KDM7A: variants seen among roughly 807,000 people sequenced by gnomAD.
KDM7A encodes lysine-specific demethylase 7A.
In KDM7A, 28 loss-of-function variants were observed where a neutral mutation model predicts 114.8. The observed-to-expected ratio is 0.24, with a 90% CI of 0.18 to 0.33. KDM7A has a LOEUF of 0.33. Among genes scored for constraint, KDM7A ranks in the 10% least tolerant of loss-of-function variants. KDM7A has a pLI of 1.00. For missense variants in KDM7A, 942 were observed against 1,142.5 expected (o/e 0.82, Z 2.53); for synonymous variants, 423 against 397.8 (o/e 1.06, Z -0.75).
chr7:140,148,691 A>G (rs991856857), intron 1 of KDM7A, among the ~76,000 whole-genome samples: 3 of 152,180 alleles, frequency 2.0e-5, no homozygotes, highest in South Asian at 2.1e-4. Flanking sequence ...TTATTACCAG[A>G]TATCAGCTAA....
At chr7:140,151,511 AG>A (rs1302898058) in intron 1 of KDM7A, among the ~76,000 whole-genome samples, 1 of 152,170 alleles carries the variant, frequency 6.6e-6, no homozygotes, top group Admixed American at 6.5e-5. Flanking sequence ...AATGAATGTG[AG>A]GGGGAAAGTA....
At chr7:140,157,026 G>A (rs1287487494) in intron 1 of KDM7A, among the ~76,000 whole-genome samples, 1 of 152,120 alleles carries the variant, frequency 6.6e-6, no homozygotes, top group Non-Finnish European at 1.5e-5. Context: ...ACACAAAATG[G>A]CATAATAAAT....
chr7:140,111,216 A>G (rs1051219273), intron 10 of KDM7A, 32 bp from the exon 11 acceptor site: 10 of 1,408,526 alleles, frequency 7.1e-6, no homozygotes, highest in Admixed American at 5.5e-5. Context: ...TAAGAAAACC[A>G]AAGTTATTTA....
At chr7:140,158,246 G>A (rs1256219399) in intron 1 of KDM7A, among the ~76,000 whole-genome samples, 3 of 152,166 alleles carry the variant, frequency 2.0e-5, no homozygotes, top group Non-Finnish European at 4.4e-5. Context: ...CAACTTACAT[G>A]TTAAAAGCAC....
At chr7:140,108,382 T>C (rs1818376763) in intron 11 of KDM7A, among the ~76,000 whole-genome samples, 1 of 152,180 alleles carries the variant, frequency 6.6e-6, no homozygotes, top group Non-Finnish European at 1.5e-5. Context: ...TTTTCAGCTT[T>C]TCTGCTCTGT....
At chr7:140,116,838 G>A (rs867122203) in intron 9 of KDM7A, among the ~76,000 whole-genome samples, 25 of 152,160 alleles carry the variant, frequency 1.6e-4, no homozygotes, top group African/African-American at 6.0e-4. Flanking sequence ...CTTCTGCACA[G>A]TGGCTAATTT....
rs1411422713 is a variant in KDM7A, at chr7:140,099,005, T to A, written c.1792A>T (p.Ser598Cys). 5 of 1,613,096 alleles carry A rather than the reference T, an allele frequency of 3.1e-6. No homozygotes were observed. Among genetic ancestry groups the A allele is most frequent in the Non-Finnish European group, 4.2e-6 (5 of 1,179,690 alleles). The change falls in exon 14 of 20, where the codon AGT becomes TGT. Residue 598 changes from serine (S) to cysteine (C), a missense_variant. Around this residue, in one of 4 missense-constraint regions of KDM7A, gnomAD observed 512 missense variants for 576.6 expected, o/e 0.89. Coordinates refer to ENST00000397560, the MANE Select transcript of KDM7A (RefSeq NM_030647.2). ...TTTTCACTATCTGCTGTATAAAGAC[T>A]TTGATCTGCAAAGGGCTGCCTTTCA... ...KDERQPFADQ[S>C]LYTADSENEE...
chr7:140,150,254 G>C (rs1046360337), intron 1 of KDM7A, among the ~76,000 whole-genome samples: 1 of 152,148 alleles, frequency 6.6e-6, no homozygotes, highest in Non-Finnish European at 1.5e-5. Context: ...AATTCTACAA[G>C]AAGAAACATT....
chr7:140,155,838 C>G (rs1252033161), intron 1 of KDM7A, among the ~76,000 whole-genome samples: 1 of 152,158 alleles, frequency 6.6e-6, no homozygotes, highest in Non-Finnish European at 1.5e-5. Flanking sequence ...GACAGACATG[C>G]TCTTCTTGAA....
intron 1 of KDM7A, among the ~76,000 whole-genome samples, chr7:140,140,634 C>G (rs934542817): frequency 1.3e-5 from 2 of 151,702 alleles, no homozygotes; most frequent in Non-Finnish European, 2.9e-5. Context: ...ATTAGCTGGG[C>G]ACGATGGCCG....
intron 2 of KDM7A, among the ~76,000 whole-genome samples, chr7:140,137,694 T>C (rs551229995): frequency 1.8e-4 from 28 of 152,326 alleles, no homozygotes; most frequent in African/African-American, 6.3e-4. Context: ...TAGCCTCTAT[T>C]TTAAAAGGAA....
At chr7:140,108,747 G>A (rs752055081) in intron 11 of KDM7A, among the ~76,000 whole-genome samples, 6 of 152,210 alleles carry the variant, frequency 3.9e-5, no homozygotes, top group African/African-American at 9.7e-5. Context: ...CAGTCTGTCC[G>A]TTCTCAGATC....
At chr7:140,150,546 G>A (rs764283319) in intron 1 of KDM7A, among the ~76,000 whole-genome samples, 4 of 152,168 alleles carry the variant, frequency 2.6e-5, no homozygotes, top group Admixed American at 6.5e-5. Flanking sequence ...AGCCAGGTGC[G>A]TAACAGTTTG....
intron 1 of KDM7A, among the ~76,000 whole-genome samples, chr7:140,145,504 G>C (rs142928761): frequency 3.5e-4 from 53 of 152,274 alleles, no homozygotes; most frequent in Non-Finnish European, 4.1e-4. Flanking sequence ...TCCAAGTGTG[G>C]AAACAGTGTG....
intron 3 of KDM7A, among the ~76,000 whole-genome samples, chr7:140,130,851 C>CT (rs574245274): frequency 0.32 from 31,054 of 97,194 alleles, 7,335 homozygotes; most frequent in African/African-American, 0.5. Flanking sequence ...TTTAATAAGT[C>CT]TTTTTTTTTT....
chr7:140,151,675 T>C (rs552879797), intron 1 of KDM7A, among the ~76,000 whole-genome samples: 2 of 152,256 alleles, frequency 1.3e-5, no homozygotes, highest in Non-Finnish European at 2.9e-5. Flanking sequence ...CAAATGTATA[T>C]ATTATGCCCA....
rs533670831 is a variant in KDM7A, at chr7:140,086,672, C to T, written c.*4422G>A. ...ATGAACATCATCTCATAGGGCAAGC[C>T]GAAAACTGGGGGCTGTTTTAGGAAG... is the stretch of plus-strand genomic sequence containing the variant. On this transcript the variant is annotated 3_prime_UTR_variant, in exon 20 of 20. Transcript: ENST00000397560. 5.3e-5 allele frequency: 8 copies of T among 152,150 alleles called. No individual in the cohort carries two copies. In the South Asian group the frequency reaches 1.5e-3, roughly 28 times the overall value. The allele number at this position is 152,150 out of a possible 1,614,324, so 9.4% of individuals were successfully genotyped here.
chr7:140,093,070 T>TA (rs1404646692), intron 18 of KDM7A, among the ~76,000 whole-genome samples: 3 of 152,250 alleles, frequency 2.0e-5, no homozygotes, highest in East Asian at 1.9e-4. Flanking sequence ...AAGCCAAATT[T>TA]AAAAAATTAA....
chr7:140,174,662 G>A (rs1052134901), intron 1 of KDM7A, among the ~76,000 whole-genome samples: 3 of 151,970 alleles, frequency 2.0e-5, no homozygotes, highest in Non-Finnish European at 4.4e-5. Flanking sequence ...GTGCAGTGGC[G>A]CGATCTCGGC....
Sources: gnomAD v4.1 joint callset for allele counts (sites outside exome capture counted in the v4.1 genomes callset) on GRCh38, gnomAD v4.1.1 for gene constraint, gnomAD v4.1.1 regional missense constraint, MANE v1.5 for transcripts, NCBI Gene and HGNC (gene_info 2026-07-23, HGNC 2026-07-21) for gene names.